Variants in SPICE1 observed in about 807,000 individuals in gnomAD.
SPICE1 encodes the protein spindle and centriole associated protein 1.
In SPICE1, 75 loss-of-function variants were observed where a neutral mutation model predicts 102.7. The ratio of observed to expected loss-of-function variants is 0.73; its 90% confidence interval spans 0.61 to 0.88. SPICE1 has a LOEUF of 0.88. Among genes scored for constraint, SPICE1 ranks in the 40% least tolerant of loss-of-function variants. The pLI is 0.00. For synonymous variants in SPICE1, 308 were observed against 350.3 expected (o/e 0.88, Z 1.35); for missense variants, 979 against 1,020.1 (o/e 0.96, Z 0.55).
chr3:113,493,267 A>G lies in SPICE1; in HGVS notation c.431T>C (p.Ile144Thr), dbSNP rs574945470. The G allele has an allele frequency of 5.5e-5, 89 of 1,613,742 alleles. No individual in the cohort carries two copies. The highest frequency in any genetic ancestry group is 1.6e-4 in the Middle Eastern group (1 of 6,080). The change falls in exon 6 of 18, where the codon ATT becomes ACT. Residue 144 changes from isoleucine to threonine, a missense_variant. Transcript: ENST00000295872. ...TVAPDSSQGP[I>T]VVNQDPITQS... Reference sequence around the variant, plus strand: ...GGTGATAGGGTCTTGATTTACCACAATGGGACCCTGAGAGGAATCAGGAGC... The same window carrying G: ...GGTGATAGGGTCTTGATTTACCACAGTGGGACCCTGAGAGGAATCAGGAGC...
intron 11 of SPICE1, among the ~76,000 whole-genome samples, chr3:113,463,519 T>C (rs1410371211): frequency 2.0e-5 from 3 of 152,232 alleles, no homozygotes; most frequent in Admixed American, 2.0e-4. Flanking sequence ...AACCCAAATG[T>C]TCATTAACTA....
At chr3:113,514,688 AT>A (rs754923143) in intron 1 of SPICE1, 52 of 1,008,476 alleles carry the variant, frequency 5.2e-5, no homozygotes, top group Non-Finnish European at 6.4e-5. Context: ...CCCCTCTGAC[AT>A]CCATCGATTT....
Position 113,514,921 on chromosome 3 carries a change from C to T in SPICE1, c.-25G>A. On this transcript the variant is annotated 5_prime_UTR_variant, in exon 1 of 18. Coordinates refer to ENST00000295872, the MANE Select transcript of SPICE1 (RefSeq NM_144718.4). ...CTTGCACTCTCAAAACACAGAGCCG[C>T]GGCTGCGCTTCCTGAAGTAAGGATT... is the stretch of plus-strand genomic sequence containing the variant. 5.3e-6 allele frequency: 6 copies of T among 1,132,672 alleles called. No individual in the cohort carries two copies. Among genetic ancestry groups the T allele is most frequent in the Non-Finnish European group, 6.7e-6 (6 of 898,370 alleles). 70.2% of individuals were successfully genotyped at this position (1,132,672 alleles called of 1,614,324 possible).
At chr3:113,512,756 C>G (rs1937246429) in intron 1 of SPICE1, among the ~76,000 whole-genome samples, 1 of 152,100 alleles carries the variant, frequency 6.6e-6, no homozygotes, top group Non-Finnish European at 1.5e-5. Context: ...TCCTCCTCCA[C>G]ACAAACAATT....
chr3:113,446,704 G>A (rs745783667), intron 16 of SPICE1, 28 bp from the exon 17 acceptor site: 6 of 1,526,396 alleles, frequency 3.9e-6, no homozygotes, highest in Non-Finnish European at 1.8e-6. Flanking sequence ...AACAGAGTAA[G>A]AGAGTGAGCT....
At chr3:113,468,114 G>C in intron 10 of SPICE1, 25 bp downstream of exon 10, 1 of 1,576,308 alleles carries the variant, frequency 6.3e-7, no homozygotes, top group Non-Finnish European at 8.6e-7. Flanking sequence ...CTGAAAAGAA[G>C]ACTCTACTAA....
intron 13 of SPICE1, among the ~76,000 whole-genome samples, 183 bp from the exon 14 acceptor site, chr3:113,454,133 CAG>C (rs776852543): frequency 2.0e-5 from 3 of 152,088 alleles, no homozygotes; most frequent in African/African-American, 7.2e-5. Flanking sequence ...TAATCAAGTA[CAG>C]AGACTTTTTA....
At chr3:113,496,480 C>T (rs1199028959) in intron 4 of SPICE1, among the ~76,000 whole-genome samples, 2 of 152,154 alleles carry the variant, frequency 1.3e-5, no homozygotes, top group Non-Finnish European at 2.9e-5. Flanking sequence ...CAGTAAAAGA[C>T]ATGAGGTAGA....
At chr3:113,477,002 A>G (rs1258434373) in intron 7 of SPICE1, among the ~76,000 whole-genome samples, 1 of 152,238 alleles carries the variant, frequency 6.6e-6, no homozygotes, top group Non-Finnish European at 1.5e-5. Context: ...CAGGCAACCT[A>G]CAAAATGGGA....
At chr3:113,499,313 T>C (rs1936961781) in intron 4 of SPICE1, 126 bp downstream of exon 4, 1 of 1,058,562 alleles carries the variant, frequency 9.4e-7, no homozygotes, top group Non-Finnish European at 1.3e-6. Flanking sequence ...GAAGTCCACA[T>C]GTAGATTATT....
At chr3:113,458,361 C>T (rs533399139) in intron 12 of SPICE1, among the ~76,000 whole-genome samples, 74 of 152,290 alleles carry the variant, frequency 4.9e-4, no homozygotes, top group South Asian at 6.2e-4. Context: ...TGCAGGCACG[C>T]GCCACCACAC....
chr3:113,456,751 TCA>T (rs928469452), intron 13 of SPICE1, among the ~76,000 whole-genome samples: 1 of 152,206 alleles, frequency 6.6e-6, no homozygotes, highest in Non-Finnish European at 1.5e-5. Context: ...ACCCTTAAAG[TCA>T]CAGTTTTCAC....
chr3:113,468,673 T>A, intron 9 of SPICE1, 89 bp downstream of exon 9: 1 of 1,429,172 alleles, frequency 7.0e-7, no homozygotes, highest in Admixed American at 2.3e-5. Flanking sequence ...GTGGATGAGA[T>A]TAAGGGAGAA....
In SPICE1 at chr3:113,446,574, C is replaced by T. The variant is rs747813752; in HGVS notation, c.2514+15G>A. ...CACCCCTATATGCATTTCACAATTA[C>T]ATTTTAACGTGTACCTTTGCTCTTG... On this transcript the variant is annotated intron_variant, in intron 17 of 17. Coordinates refer to ENST00000295872, the MANE Select transcript of SPICE1 (RefSeq NM_144718.4). The T allele has an allele frequency of 2.5e-6, 4 of 1,603,772 alleles. No homozygotes were observed. The African/African-American group carries it at 4.0e-5, about 16-fold the overall frequency.
intron 6 of SPICE1, among the ~76,000 whole-genome samples, chr3:113,491,066 C>G (rs1936753347): frequency 6.6e-6 from 1 of 152,184 alleles, no homozygotes; most frequent in African/African-American, 2.4e-5. Flanking sequence ...AGTGACTCTA[C>G]TTTTACTTTC....
At position 113,450,733 on chromosome 3, in the gene SPICE1, C is replaced by T. The variant is rs369827563; in HGVS notation, c.2143-217G>A. Among the ~76,000 whole-genome samples the T allele has an allele frequency of 1.2e-3, 178 of 152,056 alleles. 1 individual carries two copies. The highest frequency in any genetic ancestry group is 3.2e-3 in the African/African-American group (134 of 41,462). The stretch of plus-strand genomic sequence containing the variant: ...CTGGGACTACAGGCACCTGCCACCA[C>T]GCCCAGCTAATTTTTTGTATTTTTA... On this transcript the variant is annotated intron_variant, in intron 14 of 17. Transcript: ENST00000295872.
chr3:113,496,558 C>T (rs553438646), intron 4 of SPICE1, among the ~76,000 whole-genome samples: 123 of 152,266 alleles, frequency 8.1e-4, no homozygotes, highest in African/African-American at 2.9e-3. Context: ...TTTTTGAAAG[C>T]CTCTCCATGA....
chr3:113,462,963 C>T (rs1935967715), intron 11 of SPICE1, among the ~76,000 whole-genome samples: 1 of 152,150 alleles, frequency 6.6e-6, no homozygotes, highest in Admixed American at 6.6e-5. Flanking sequence ...TCTTCCTCTT[C>T]CTCATACTCT....
chr3:113,470,702 T>C (rs576079585), intron 7 of SPICE1, among the ~76,000 whole-genome samples: 11 of 152,246 alleles, frequency 7.2e-5, no homozygotes, highest in African/African-American at 1.7e-4. Context: ...TGCAGATCCA[T>C]AGGCACAGAG....
Sources: gnomAD v4.1 joint callset for allele counts (sites outside exome capture counted in the v4.1 genomes callset) on GRCh38, gnomAD v4.1.1 for gene constraint, MANE v1.5 for transcripts, NCBI Gene and HGNC (gene_info 2026-07-23, HGNC 2026-07-21) for gene names.